Variants in ERBB4 observed in about 807,000 individuals in gnomAD.
ERBB4 encodes the protein receptor tyrosine-protein kinase erbB-4.
In ERBB4, 42 loss-of-function variants were observed where a neutral mutation model predicts 158.0. That is an observed-to-expected ratio of 0.27 (90% CI 0.21 to 0.34). The LOEUF is 0.34. ERBB4 is among the 10% of genes least tolerant of loss of function. The pLI is 1.00. For synonymous variants in ERBB4, 583 were observed against 558.7 expected, an observed-to-expected ratio of 1.04 and a Z score of -0.61; for missense variants, 1,333 against 1,624.1, an observed-to-expected ratio of 0.82 and a Z score of 3.08.
In ERBB4 at chr2:211,552,516, A is replaced by C. The variant is rs150706293; in HGVS notation, c.2487+9387T>G. Among the ~76,000 whole-genome samples the C allele has an allele frequency of 2.7e-3, 405 of 152,234 alleles. 1 individual carries two copies. Among genetic ancestry groups the C allele is most frequent in the African/African-American group, 9.4e-3 (392 of 41,544 alleles). ...CGATGGACCACTGACATATTTTTAG[A>C]ATCACCCTTTCAACTAGTTTCAATG... On this transcript the variant is annotated intron_variant, in intron 20 of 27. Coordinates refer to ENST00000342788, the MANE Select transcript of ERBB4 (RefSeq NM_005235.3).
chr2:212,132,664 T>C (rs1374983664), intron 1 of ERBB4, among the ~76,000 whole-genome samples: 2 of 152,116 alleles, frequency 1.3e-5, no homozygotes, highest in Non-Finnish European at 1.5e-5. Flanking sequence ...GCCTTTAAAC[T>C]ACACCACTAG....
chr2:212,345,250 A>G (rs887166111), intron 1 of ERBB4, among the ~76,000 whole-genome samples: 6 of 113,518 alleles, frequency 5.3e-5, no homozygotes, highest in African/African-American at 1.7e-4. Context: ...TGGGGGACAG[A>G]GCAAGACTCC....
chr2:212,231,305 G>A (rs1477174051), intron 1 of ERBB4, among the ~76,000 whole-genome samples: 4 of 151,964 alleles, frequency 2.6e-5, no homozygotes, highest in African/African-American at 9.7e-5. Context: ...AAAAAAAACA[G>A]GTTATAAAAC....
At chr2:211,882,434 CATAT>C (rs892472694) in intron 3 of ERBB4, among the ~76,000 whole-genome samples, 1 of 151,954 alleles carries the variant, frequency 6.6e-6, no homozygotes, top group Non-Finnish European at 1.5e-5. Context: ...AAAGTCCCCT[CATAT>C]ATAGAGATAG....
At chr2:211,818,207 A>T (rs1034517383) in intron 3 of ERBB4, among the ~76,000 whole-genome samples, 3 of 152,138 alleles carry the variant, frequency 2.0e-5, no homozygotes, top group African/African-American at 7.2e-5. Flanking sequence ...AGATACTGAA[A>T]ATCCCTATGT....
At chr2:211,612,782 A>T (rs755837402) in intron 19 of ERBB4, among the ~76,000 whole-genome samples, 15 of 152,108 alleles carry the variant, frequency 9.9e-5, no homozygotes, top group African/African-American at 2.7e-4. Flanking sequence ...TAAGCTGAAG[A>T]AGTTGAGGGC....
intron 2 of ERBB4, among the ~76,000 whole-genome samples, chr2:212,090,316 G>T (rs1457231417): frequency 6.6e-6 from 1 of 152,100 alleles, no homozygotes; most frequent in Non-Finnish European, 1.5e-5. Flanking sequence ...GTTATTCAAT[G>T]CCCATTGTAC....
chr2:212,509,965 G>A (rs1157388373), intron 1 of ERBB4, among the ~76,000 whole-genome samples: 2 of 151,526 alleles, frequency 1.3e-5, no homozygotes, highest in African/African-American at 2.4e-5. Flanking sequence ...CCAAAATTTT[G>A]TTGTAAAATG....
chr2:212,472,105 T>C (rs181565106), intron 1 of ERBB4, among the ~76,000 whole-genome samples: 8 of 152,042 alleles, frequency 5.3e-5, no homozygotes, highest in Admixed American at 3.9e-4. Context: ...ATCAATCAAA[T>C]ATGTTCAACA....
intron 1 of ERBB4, among the ~76,000 whole-genome samples, chr2:212,191,665 T>TTA (rs1176581844): frequency 6.8e-6 from 1 of 147,304 alleles, no homozygotes; most frequent in African/African-American, 2.5e-5. Flanking sequence ...GTTATACATG[T>TTA]CATATATCGC....
At chr2:211,987,366 ATTATT>A (rs943323317) in intron 2 of ERBB4, among the ~76,000 whole-genome samples, 30 of 149,988 alleles carry the variant, frequency 2.0e-4, no homozygotes, top group African/African-American at 5.3e-4. Context: ...ATCACCCATG[ATTATT>A]TTATTTTATT....
rs1289799960 is a variant in ERBB4, at chr2:211,511,127, T to G, written c.2487+50776A>C. Among the ~76,000 whole-genome samples the G allele has an allele frequency of 2.6e-5, 4 of 152,120 alleles. No individual in the cohort carries two copies. In the South Asian group the frequency reaches 8.3e-4, roughly 32 times the overall value. On this transcript the variant is annotated intron_variant, in intron 20 of 27. Coordinates refer to ENST00000342788, the MANE Select transcript of ERBB4 (RefSeq NM_005235.3). Reference sequence around the variant, plus strand: ...TTATCAAATCAATGTATTAGTATATTAAACTGCCTACTTAAGGCCAGACAG... The same window carrying G: ...TTATCAAATCAATGTATTAGTATATGAAACTGCCTACTTAAGGCCAGACAG...
chr2:211,736,705 C>T (rs1057261440), intron 5 of ERBB4, among the ~76,000 whole-genome samples: 2 of 152,066 alleles, frequency 1.3e-5, no homozygotes, highest in Admixed American at 1.3e-4. Context: ...CAGAATTGTG[C>T]CATTGAGACT....
chr2:211,859,826 C>A (rs2077967659), intron 3 of ERBB4, among the ~76,000 whole-genome samples: 1 of 152,154 alleles, frequency 6.6e-6, no homozygotes, highest in Non-Finnish European at 1.5e-5. Context: ...AGACACACTT[C>A]TTCAATGTCC....
At chr2:211,623,031 ATATATATATAT>A (rs2069689272) in intron 18 of ERBB4, among the ~76,000 whole-genome samples, 1 of 102,930 alleles carries the variant, frequency 9.7e-6, no homozygotes, top group African/African-American at 4.0e-5. Context: ...ATATATATAT[ATATATATATAT>A]ATAAAATGCC....
At chr2:212,212,526 C>G (rs2082968059) in intron 1 of ERBB4, among the ~76,000 whole-genome samples, 1 of 150,102 alleles carries the variant, frequency 6.7e-6, no homozygotes. Flanking sequence ...TTTCATAAAA[C>G]TATCATTGAC....
Position 211,978,392 on chromosome 2 carries a change from G to GTCTCTTTCTATCTATCTATCTA in ERBB4, c.235-30777_235-30776insTAGATAGATAGATAGAAAGAGA, listed in dbSNP as rs1165469722. On this transcript the variant is annotated intron_variant, in intron 2 of 27. Coordinates refer to ENST00000342788, the MANE Select transcript of ERBB4 (RefSeq NM_005235.3). ...TGTCTGTCTGTCTGTCTGTCTGTCT[G>GTCTCTTTCTATCTATCTATCTA]TCTGTCTATCTATCTATCTATCTAT... is the stretch of plus-strand genomic sequence containing the variant. 2.9e-3 allele frequency among the ~76,000 whole-genome samples: 298 copies of GTCTCTTTCTATCTATCTATCTA among 102,316 alleles called. 2 individuals are homozygous for GTCTCTTTCTATCTATCTATCTA. The highest frequency in any genetic ancestry group is 4.9e-3 in the Middle Eastern group (1 of 206). 67.1% of individuals were successfully genotyped at this position (102,316 alleles called of 152,430 possible). A position where few individuals can be genotyped will look rare whatever the true frequency, so the allele number is the denominator to read the frequency against.
chr2:211,529,055 A>G (rs904955947), intron 20 of ERBB4, among the ~76,000 whole-genome samples: 1 of 151,902 alleles, frequency 6.6e-6, no homozygotes, highest in African/African-American at 2.4e-5. Flanking sequence ...TCAACAGAAC[A>G]AAAAGTTGGG....
chr2:211,829,582 A>T (rs2105966062), intron 3 of ERBB4, among the ~76,000 whole-genome samples: 1 of 152,274 alleles, frequency 6.6e-6, no homozygotes, highest in African/African-American at 2.4e-5. Context: ...TCTCACTGCT[A>T]GGACATACTT....
Sources: gnomAD v4.1 joint callset for allele counts (sites outside exome capture counted in the v4.1 genomes callset) on GRCh38, gnomAD v4.1.1 for gene constraint, MANE v1.5 for transcripts, NCBI Gene and HGNC (gene_info 2026-07-23, HGNC 2026-07-21) for gene names.